The following CALCR variants were observed in gnomAD, a reference collection of about 807,000 sequenced individuals.
CALCR encodes the protein calcitonin receptor.
CALCR carries 47 observed loss-of-function variants against 59.5 expected under a neutral mutation model. The ratio of observed to expected loss-of-function variants is 0.79; its 90% CI spans 0.63 to 1.01. CALCR has a LOEUF of 1.01. CALCR is among the 50% of genes least tolerant of loss of function. The pLI is 0.00. For synonymous variants in CALCR, 213 were observed against 211.3 expected, an observed-to-expected ratio of 1.01 and a Z score of -0.07; for missense variants, 566 against 597.1, an observed-to-expected ratio of 0.95 and a Z score of 0.54.
intron 2 of CALCR, among the ~76,000 whole-genome samples, chr7:93,506,128 C>T (rs968065997): frequency 1.3e-5 from 2 of 152,170 alleles, no homozygotes; most frequent in Admixed American, 1.3e-4. Flanking sequence ...ACTATCACTC[C>T]TAAACTCACT....
At chr7:93,461,083 C>T in intron 7 of CALCR, 136 bp from the exon 8 acceptor site, 1 of 675,422 alleles carries the variant, frequency 1.5e-6, no homozygotes, top group Non-Finnish European at 2.4e-6. Flanking sequence ...TAAGGCTGGT[C>T]TCCTCTTTCA....
At chr7:93,520,278 G>A (rs899810024) in intron 2 of CALCR, among the ~76,000 whole-genome samples, 1 of 150,796 alleles carries the variant, frequency 6.6e-6, no homozygotes, top group Non-Finnish European at 1.5e-5. Flanking sequence ...CATTCAACCT[G>A]ATGGTGGGGA....
chr7:93,528,773 C>T (rs1305866437), intron 2 of CALCR, among the ~76,000 whole-genome samples: 1 of 152,122 alleles, frequency 6.6e-6, no homozygotes, highest in Non-Finnish European at 1.5e-5. Flanking sequence ...AGTTGAAGTT[C>T]CATAATACTA....
intron 11 of CALCR, among the ~76,000 whole-genome samples, chr7:93,437,729 T>G (rs1799809366): frequency 6.6e-6 from 1 of 152,172 alleles, no homozygotes; most frequent in African/African-American, 2.4e-5. Flanking sequence ...TCAAAGACCC[T>G]AGATGTTCAT....
intron 2 of CALCR, among the ~76,000 whole-genome samples, chr7:93,533,971 T>C (rs78346399): frequency 0.088 from 13,418 of 151,792 alleles, 673 homozygotes; most frequent in African/African-American, 0.11. Context: ...TCCCACATTT[T>C]ATAGTAGAAA....
At chr7:93,462,928 A>G (rs927937410) in intron 7 of CALCR, among the ~76,000 whole-genome samples, 2 of 151,914 alleles carry the variant, frequency 1.3e-5, no homozygotes, top group Non-Finnish European at 2.9e-5. Flanking sequence ...CTCCCACTAA[A>G]ATGAAAGTGC....
intron 11 of CALCR, among the ~76,000 whole-genome samples, chr7:93,437,720 C>T (rs1349086142): frequency 1.3e-5 from 2 of 152,152 alleles, no homozygotes; most frequent in African/African-American, 2.4e-5. Flanking sequence ...TCAAAGTTTT[C>T]AAAGACCCTA....
intron 12 of CALCR, among the ~76,000 whole-genome samples, chr7:93,434,594 GAA>G (rs74532696): frequency 1.4e-5 from 2 of 146,954 alleles, no homozygotes; most frequent in African/African-American, 5.0e-5. Context: ...TGGTGAATTT[GAA>G]AAAAAAAAAC....
chr7:93,471,628 G>T (rs1371719013), intron 6 of CALCR, among the ~76,000 whole-genome samples: 1 of 151,776 alleles, frequency 6.6e-6, no homozygotes, highest in East Asian at 1.9e-4. Flanking sequence ...AGTCAGCAGG[G>T]TTGCTTAGAG....
intron 9 of CALCR, among the ~76,000 whole-genome samples, chr7:93,443,252 C>G (rs1562975714): frequency 6.6e-6 from 1 of 152,114 alleles, no homozygotes; most frequent in Non-Finnish European, 1.5e-5. Flanking sequence ...TGAAATTCTC[C>G]TTTGCTCTAC....
chr7:93,480,815 C>G (rs1377317681), intron 3 of CALCR, among the ~76,000 whole-genome samples: 1 of 151,692 alleles, frequency 6.6e-6, no homozygotes, highest in Non-Finnish European at 1.5e-5. Context: ...TGCATAGGCA[C>G]AAGGGGGGGT....
chr7:93,560,613 T>A (rs1350766199), intron 2 of CALCR, among the ~76,000 whole-genome samples: 1 of 152,124 alleles, frequency 6.6e-6, no homozygotes, highest in Non-Finnish European at 1.5e-5. Flanking sequence ...GTACAATGAA[T>A]CATTTTAAAT....
At chr7:93,546,103 T>C (rs1291497615) in intron 2 of CALCR, among the ~76,000 whole-genome samples, 1 of 152,164 alleles carries the variant, frequency 6.6e-6, no homozygotes, top group African/African-American at 2.4e-5. Flanking sequence ...GCAATATTAG[T>C]ATTTTATTAA....
chr7:93,526,783 A>G (rs1219588359), intron 2 of CALCR, among the ~76,000 whole-genome samples: 2 of 152,092 alleles, frequency 1.3e-5, no homozygotes, highest in African/African-American at 2.4e-5. Flanking sequence ...AAAATTTTAG[A>G]AGCTTATTCA....
At chr7:93,500,187 T>C (rs1801292976) in intron 2 of CALCR, among the ~76,000 whole-genome samples, 1 of 151,900 alleles carries the variant, frequency 6.6e-6, no homozygotes, top group African/African-American at 2.4e-5. Context: ...CTAATCTGTC[T>C]CGCATTAAAG....
intron 13 of CALCR, among the ~76,000 whole-genome samples, chr7:93,429,914 G>GT (rs1265452842): frequency 0.031 from 2,824 of 91,502 alleles, 120 homozygotes; most frequent in African/African-American, 0.077. Flanking sequence ...ACTTTAGACG[G>GT]TTTTTTTTTT....
intron 2 of CALCR, among the ~76,000 whole-genome samples, chr7:93,548,951 T>C (rs1789376031): frequency 6.6e-6 from 1 of 151,958 alleles, no homozygotes; most frequent in Admixed American, 6.6e-5. Flanking sequence ...TATACCATTT[T>C]TTCCCCCTGA....
intron 3 of CALCR, among the ~76,000 whole-genome samples, chr7:93,484,795 CT>C (rs1307582097): frequency 1.3e-5 from 2 of 151,700 alleles, no homozygotes; most frequent in Admixed American, 1.3e-4. Flanking sequence ...TTACCATTGG[CT>C]TTGTTGTCAT....
intron 2 of CALCR, among the ~76,000 whole-genome samples, chr7:93,493,981 G>C (rs1163124573): frequency 1.3e-5 from 2 of 151,354 alleles, no homozygotes; most frequent in South Asian, 2.1e-4. Context: ...AAAGTACAAA[G>C]AAGTCATAGA....
Sources: gnomAD v4.1 joint callset for allele counts (sites outside exome capture counted in the v4.1 genomes callset) on GRCh38, gnomAD v4.1.1 for gene constraint, MANE v1.5 for transcripts, NCBI Gene and HGNC (gene_info 2026-07-23, HGNC 2026-07-21) for gene names.